ARID1B: variants seen among roughly 807,000 people sequenced by gnomAD.
The protein encoded by ARID1B is AT-rich interaction domain 1B, also known as AT-rich interactive domain-containing protein 1B.
In ARID1B, 30 loss-of-function variants were observed where a neutral mutation model predicts 212.3. The observed-to-expected ratio is 0.14, with a 90% confidence interval of 0.11 to 0.19. The LOEUF (loss-of-function observed/expected upper bound fraction) is 0.19. ARID1B is among the 10% of genes least tolerant of loss of function. ARID1B has a pLI of 1.00. For missense variants in ARID1B, 2,891 were observed against 3,204.0 expected (o/e 0.90, Z 2.36); for synonymous variants, 1,402 against 1,301.7 (o/e 1.08, Z -1.66).
chr6:157,096,452 C>A (rs899216634), intron 5 of ARID1B, among the ~76,000 whole-genome samples: 6 of 152,248 alleles, frequency 3.9e-5, no homozygotes, highest in African/African-American at 1.4e-4. Flanking sequence ...CTTTTCCCCT[C>A]CCTCCTGAAA....
chr6:157,039,816 TTTTCTCTCTTTCTC>T (rs1781714330), intron 4 of ARID1B, among the ~76,000 whole-genome samples: 1 of 137,192 alleles, frequency 7.3e-6, no homozygotes, highest in African/African-American at 2.8e-5. Context: ...CTTTCTTTCT[TTTTCTCTCTTTCTC>T]TCTTTCTTTC....
intron 1 of ARID1B, among the ~76,000 whole-genome samples, chr6:156,803,975 G>C (rs1490946031): frequency 1.3e-5 from 2 of 152,158 alleles, no homozygotes; most frequent in African/African-American, 4.8e-5. Context: ...TTCATTAAAT[G>C]TTAGTGGCAG....
chr6:157,191,003 G>T (rs1208897261), intron 15 of ARID1B, among the ~76,000 whole-genome samples: 1 of 152,138 alleles, frequency 6.6e-6, no homozygotes, highest in East Asian at 1.9e-4. Context: ...GGTCGTTGAG[G>T]CCGGCGGGGC....
rs1028342202 is a variant in ARID1B at position 156,879,438 on chromosome 6, A to C, written c.1987-21938A>C. Among the ~76,000 whole-genome samples the C allele has an allele frequency of 8.5e-5, 13 of 152,134 alleles. No individual in the cohort carries two copies. The South Asian group carries it at 2.1e-3, about 24-fold the overall frequency. On this transcript the variant is annotated intron_variant, in intron 2 of 19. Transcript: ENST00000636930. ...TTGTGGCTGTGCCCCACAGCTCTACACTCTGGCAAATGAGAGTATCGTAAA... is the reference window on the plus strand; with the variant it reads ...TTGTGGCTGTGCCCCACAGCTCTACCCTCTGGCAAATGAGAGTATCGTAAA...
At position 157,000,783 on chromosome 6, in the gene ARID1B, T is replaced by C. The variant is rs371886364; in HGVS notation, c.2247+65207T>C. Among the ~76,000 whole-genome samples the C allele has an allele frequency of 5.6e-4, 81 of 144,404 alleles. No individual in the cohort carries two copies. In the South Asian group the frequency reaches 0.01, roughly 18 times the overall value. The allele number at this position is 144,404 out of a possible 152,430, so 94.7% of individuals were successfully genotyped here. On this transcript the variant is annotated intron_variant, in intron 4 of 19. Coordinates refer to ENST00000636930, the MANE Select transcript of ARID1B (RefSeq NM_001374828.1). ...TTCTCGGCTCAGTACAACCTCTGTC[T>C]CCCAGGTTCAAACGATTCTCGTGCC... is the stretch of plus-strand genomic sequence containing the variant.
chr6:156,869,697 A>G (rs1410404804), intron 2 of ARID1B, among the ~76,000 whole-genome samples: 2 of 152,174 alleles, frequency 1.3e-5, no homozygotes, highest in Non-Finnish European at 2.9e-5. Flanking sequence ...GTCAGAAAAT[A>G]TGTGAAGAGA....
chr6:156,837,553 C>T (rs1783597533), intron 2 of ARID1B, among the ~76,000 whole-genome samples: 1 of 151,998 alleles, frequency 6.6e-6, no homozygotes. Flanking sequence ...TAATAGCCAG[C>T]CAATAGTTAA....
chr6:157,198,078 A>AC (rs1312572336), intron 16 of ARID1B, among the ~76,000 whole-genome samples: 5 of 152,154 alleles, frequency 3.3e-5, no homozygotes, highest in Non-Finnish European at 7.4e-5. Context: ...TTCCAAATCT[A>AC]TTGTCTTTTA....
At chr6:157,149,163 T>C in intron 8 of ARID1B, 8 of 589,072 alleles carry the variant, frequency 1.4e-5, no homozygotes, top group Non-Finnish European at 2.4e-5. Flanking sequence ...GAGGAAGGAA[T>C]GTGAGCGGTG....
intron 4 of ARID1B, among the ~76,000 whole-genome samples, chr6:156,986,634 C>T (rs994491989): frequency 2.0e-5 from 3 of 152,296 alleles, no homozygotes; most frequent in East Asian, 3.9e-4. Context: ...TTGCCCGGCT[C>T]ATAGTAATTA....
intron 8 of ARID1B, among the ~76,000 whole-genome samples, chr6:157,160,189 GAT>G (rs1256500724): frequency 6.6e-6 from 1 of 152,212 alleles, no homozygotes; most frequent in African/African-American, 2.4e-5. Context: ...AGGGAGGAAA[GAT>G]GACCCCAAAC....
At chr6:157,007,280 C>T (rs1779302467) in intron 4 of ARID1B, among the ~76,000 whole-genome samples, 1 of 152,176 alleles carries the variant, frequency 6.6e-6, no homozygotes, top group Non-Finnish European at 1.5e-5. Flanking sequence ...AATTTAAATT[C>T]AGGAATTTCC....
In ARID1B at chr6:156,864,933, A is replaced by AT. The variant is rs542260559; in HGVS notation, c.1986+35520dup. On this transcript the variant is annotated intron_variant, in intron 2 of 19. Transcript: ENST00000636930. ...CACAGCTCTTTGTTTTTCGTAAATA[A>AT]TTTTTTTTAAATTTTCTATATAAAC... Among the ~76,000 whole-genome samples, 7 of 152,168 alleles carry AT rather than the reference A, an allele frequency of 4.6e-5. No homozygotes were observed. In the East Asian group the frequency reaches 7.7e-4, roughly 17 times the overall value.
rs896640073 is a variant in ARID1B at position 156,919,383 on chromosome 6, GT to G, written c.2137-16073del. ...TTTTCATATTTAACATATATTTTAA[GT>G]TTTTTTTTTCTTTCTAGTACCAGAA... On this transcript the variant is annotated intron_variant, in intron 3 of 19. Coordinates refer to ENST00000636930, the MANE Select transcript of ARID1B (RefSeq NM_001374828.1). Among the ~76,000 whole-genome samples the G allele has an allele frequency of 2.8e-3, 423 of 150,088 alleles. 3 individuals are homozygous for G. Among genetic ancestry groups the G allele is most frequent in the African/African-American group, 9.3e-3 (383 of 40,970 alleles).
At chr6:157,125,294 TG>T (rs1158504946) in intron 6 of ARID1B, among the ~76,000 whole-genome samples, 3 of 152,178 alleles carry the variant, frequency 2.0e-5, no homozygotes, top group Non-Finnish European at 4.4e-5. Flanking sequence ...TGGCTGGAGA[TG>T]CTCAAAGCTT....
chr6:157,010,622 T>G (rs867439567), intron 4 of ARID1B, among the ~76,000 whole-genome samples: 137 of 126,602 alleles, frequency 1.1e-3, no homozygotes, highest in Non-Finnish European at 1.6e-3. Context: ...GCCCGGCCTG[T>G]TTTTTTTTTT....
At chr6:156,954,130 G>C (rs1258571105) in intron 4 of ARID1B, among the ~76,000 whole-genome samples, 1 of 151,508 alleles carries the variant, frequency 6.6e-6, no homozygotes, top group Non-Finnish European at 1.5e-5. Flanking sequence ...CCCATTATCT[G>C]CTTGATCTTG....
chr6:156,785,409 T>C (rs1447783010), intron 1 of ARID1B, among the ~76,000 whole-genome samples: 1 of 152,232 alleles, frequency 6.6e-6, no homozygotes, highest in Admixed American at 6.5e-5. Flanking sequence ...AAGCCATTCC[T>C]TATCAGGTGA....
chr6:157,142,728 A>G (rs961513620), intron 7 of ARID1B, among the ~76,000 whole-genome samples: 16 of 152,340 alleles, frequency 1.1e-4, no homozygotes, highest in South Asian at 2.1e-4. Context: ...AGATAAATGC[A>G]TATTTAGCCC....
Sources: gnomAD v4.1 joint callset for allele counts (sites outside exome capture counted in the v4.1 genomes callset) on GRCh38, gnomAD v4.1.1 for gene constraint, MANE v1.5 for transcripts, NCBI Gene and HGNC (gene_info 2026-07-23, HGNC 2026-07-21) for gene names.